Variants in IMMP2L observed in about 807,000 individuals in gnomAD.
IMMP2L encodes the protein mitochondrial inner membrane protease subunit 2.
In IMMP2L, 18 loss-of-function variants were observed where a neutral mutation model predicts 19.3. The ratio of observed to expected loss-of-function variants is 0.93; its 90% CI spans 0.64 to 1.38. The LOEUF is 1.38. Ranked by LOEUF, IMMP2L falls within the 40% of genes most tolerant of loss-of-function variation. IMMP2L has a pLI of 0.00. For missense variants in IMMP2L, 233 were observed against 218.2 expected (o/e 1.07, Z -0.43); for synonymous variants, 76 against 73.0 (o/e 1.04, Z -0.21).
At chr7:111,461,393 TACAC>T (rs1840123944) in intron 3 of IMMP2L, among the ~76,000 whole-genome samples, 1 of 151,826 alleles carries the variant, frequency 6.6e-6, no homozygotes, top group Non-Finnish European at 1.5e-5. Context: ...CATCCTGAAA[TACAC>T]ACACACATAC....
chr7:110,982,709 AT>A (rs1821427409), intron 3 of IMMP2L, among the ~76,000 whole-genome samples: 1 of 152,042 alleles, frequency 6.6e-6, no homozygotes, highest in Non-Finnish European at 1.5e-5. Context: ...TCAACCACAT[AT>A]TTTTTCTTAT....
At chr7:110,779,884 C>G (rs2131073507) in intron 5 of IMMP2L, among the ~76,000 whole-genome samples, 1 of 151,788 alleles carries the variant, frequency 6.6e-6, no homozygotes, top group African/African-American at 2.4e-5. Flanking sequence ...AACTGCCTAA[C>G]TAGGAAGTTA....
At chr7:111,143,652 AG>A (rs1417086018) in intron 3 of IMMP2L, among the ~76,000 whole-genome samples, 1 of 152,206 alleles carries the variant, frequency 6.6e-6, no homozygotes, top group African/African-American at 2.4e-5. Flanking sequence ...ACTAAAGCCA[AG>A]AAATGGAATA....
chr7:111,158,286 A>G (rs1586619632), intron 3 of IMMP2L, among the ~76,000 whole-genome samples: 1 of 152,272 alleles, frequency 6.6e-6, no homozygotes, highest in East Asian at 1.9e-4. Context: ...ATAGGTAGAT[A>G]GATATAGATA....
intron 3 of IMMP2L, among the ~76,000 whole-genome samples, chr7:111,224,093 C>A (rs1562944054): frequency 6.6e-6 from 1 of 152,002 alleles, no homozygotes; most frequent in Non-Finnish European, 1.5e-5. Flanking sequence ...CTTAGGCAAC[C>A]CACTTCCCCC....
intron 3 of IMMP2L, among the ~76,000 whole-genome samples, chr7:111,012,721 A>G (rs1825099764): frequency 6.6e-6 from 1 of 152,146 alleles, no homozygotes; most frequent in Non-Finnish European, 1.5e-5. Flanking sequence ...CAGAACAGAA[A>G]TTTCAGAGAT....
chr7:110,869,199 A>G (rs1467069129), intron 5 of IMMP2L, among the ~76,000 whole-genome samples: 1 of 151,920 alleles, frequency 6.6e-6, no homozygotes, highest in Non-Finnish European at 1.5e-5. Context: ...AATAAAACAC[A>G]TATTTAATTA....
At chr7:110,794,725 G>T (rs1800744478) in intron 5 of IMMP2L, among the ~76,000 whole-genome samples, 1 of 152,012 alleles carries the variant, frequency 6.6e-6, no homozygotes, top group African/African-American at 2.4e-5. Context: ...TAAGGAAAGT[G>T]TAAGAATGTT....
At chr7:111,342,682 C>T (rs550144137) in intron 3 of IMMP2L, among the ~76,000 whole-genome samples, 3 of 152,110 alleles carry the variant, frequency 2.0e-5, no homozygotes, top group Non-Finnish European at 2.9e-5. Context: ...CTTAAAAATG[C>T]TATTATAATT....
At chr7:110,737,789 C>A (rs959559304) in intron 5 of IMMP2L, among the ~76,000 whole-genome samples, 2 of 152,194 alleles carry the variant, frequency 1.3e-5, no homozygotes, top group Non-Finnish European at 1.5e-5. Context: ...CAGCCAAGGA[C>A]CCTCACAGAG....
intron 4 of IMMP2L, among the ~76,000 whole-genome samples, chr7:110,921,133 G>A (rs1814230211): frequency 6.6e-6 from 1 of 152,180 alleles, no homozygotes; most frequent in Non-Finnish European, 1.5e-5. Context: ...GCATTTAAGT[G>A]AGATAAGCTT....
At chr7:111,197,441 C>T (rs886790733) in intron 3 of IMMP2L, among the ~76,000 whole-genome samples, 12 of 151,966 alleles carry the variant, frequency 7.9e-5, no homozygotes, top group African/African-American at 2.7e-4. Flanking sequence ...CCAGCCTGGG[C>T]AACAGAGCGA....
intron 3 of IMMP2L, among the ~76,000 whole-genome samples, chr7:111,471,052 T>C (rs1240697771): frequency 2.0e-5 from 3 of 151,860 alleles, no homozygotes; most frequent in Admixed American, 6.6e-5. Context: ...GAAGAAACAT[T>C]TGTATCGTGG....
intron 3 of IMMP2L, among the ~76,000 whole-genome samples, chr7:111,465,619 A>T (rs1282782543): frequency 6.6e-6 from 1 of 151,442 alleles, no homozygotes; most frequent in Non-Finnish European, 1.5e-5. Flanking sequence ...TCAAAACCAC[A>T]ATGAGATACC....
chr7:110,688,160 A>G (rs1196606707), intron 5 of IMMP2L, among the ~76,000 whole-genome samples: 2 of 152,024 alleles, frequency 1.3e-5, no homozygotes, highest in Admixed American at 1.3e-4. Flanking sequence ...ACTCCAGTTT[A>G]TGCCATGTGA....
At chr7:110,816,815 C>T (rs1344823931) in intron 5 of IMMP2L, among the ~76,000 whole-genome samples, 4 of 151,730 alleles carry the variant, frequency 2.6e-5, no homozygotes, top group Non-Finnish European at 4.4e-5. Context: ...TTTCCATTTG[C>T]TTGGTAGATC....
At chr7:111,383,273 G>A (rs1390120949) in intron 3 of IMMP2L, among the ~76,000 whole-genome samples, 3 of 152,088 alleles carry the variant, frequency 2.0e-5, no homozygotes, top group African/African-American at 7.2e-5. Context: ...TTTAGATGAA[G>A]TTATTGTGCT....
chr7:111,468,706 C>A (rs986550879), intron 3 of IMMP2L, among the ~76,000 whole-genome samples: 20 of 151,878 alleles, frequency 1.3e-4, no homozygotes, highest in African/African-American at 4.4e-4. Flanking sequence ...ATATCATAGT[C>A]AAAGAAGGAG....
At chr7:111,433,807 T>C (rs1464775298) in intron 3 of IMMP2L, among the ~76,000 whole-genome samples, 1 of 151,634 alleles carries the variant, frequency 6.6e-6, no homozygotes. Flanking sequence ...CACAACCAAA[T>C]TTTTAAAAAT....
Sources: allele counts gnomAD v4.1 joint callset (sites outside exome capture counted in the v4.1 genomes callset), GRCh38; gene constraint gnomAD v4.1.1; transcripts MANE v1.5; gene names NCBI Gene and HGNC (gene_info 2026-07-23, HGNC 2026-07-21).